POU6F2: variants seen among roughly 807,000 people sequenced by gnomAD.
The protein encoded by POU6F2 is POU class 6 homeobox 2.
Under a neutral mutation model 71.3 loss-of-function variants are expected in POU6F2, and 31 were observed. That is an observed-to-expected ratio of 0.43 (90% CI 0.33 to 0.59). The LOEUF is 0.59. Among genes scored for constraint, POU6F2 ranks in the 20% least tolerant of loss-of-function variants. POU6F2 has a pLI of 0.04. For synonymous variants in POU6F2, 347 were observed against 355.7 expected (o/e 0.98, Z 0.27); for missense variants, 783 against 856.8 (o/e 0.91, Z 1.07).
chr7:39,401,100 G>C (rs2115872996), intron 5 of POU6F2, among the ~76,000 whole-genome samples: 1 of 152,310 alleles, frequency 6.6e-6, no homozygotes, highest in African/African-American at 2.4e-5. Flanking sequence ...CTCCACCCCA[G>C]TGCACATTCT....
intron 2 of POU6F2, among the ~76,000 whole-genome samples, chr7:39,146,275 A>T (rs1349433694): frequency 1.3e-5 from 2 of 152,152 alleles, no homozygotes; most frequent in African/African-American, 4.8e-5. Context: ...TAATGGAACC[A>T]TGGATGCCAA....
At chr7:39,011,785 C>T (rs1244928505) in intron 1 of POU6F2, among the ~76,000 whole-genome samples, 6 of 148,302 alleles carry the variant, frequency 4.0e-5, no homozygotes, top group African/African-American at 1.5e-4. Context: ...ACTTATGAAG[C>T]TTAGTTTGGC....
intron 4 of POU6F2, among the ~76,000 whole-genome samples, chr7:39,282,356 A>G (rs538643110): frequency 6.6e-6 from 1 of 152,234 alleles, no homozygotes; most frequent in East Asian, 1.9e-4. Flanking sequence ...TTATCCAAAA[A>G]ACCCTTGCCT....
At chr7:39,155,061 G>T (rs998381480) in intron 2 of POU6F2, among the ~76,000 whole-genome samples, 1 of 152,138 alleles carries the variant, frequency 6.6e-6, no homozygotes, top group Non-Finnish European at 1.5e-5. Flanking sequence ...ACACCTGAAA[G>T]TGAAAGTTGA....
intron 2 of POU6F2, among the ~76,000 whole-genome samples, chr7:39,130,606 C>A (rs573253757): frequency 6.6e-6 from 1 of 152,218 alleles, no homozygotes; most frequent in South Asian, 2.1e-4. Context: ...AAAAGAAGTT[C>A]TGCAAATATA....
At chr7:39,073,356 A>G (rs995379701) in intron 1 of POU6F2, among the ~76,000 whole-genome samples, 6 of 146,572 alleles carry the variant, frequency 4.1e-5, no homozygotes, top group African/African-American at 1.5e-4. Context: ...CAGATAGCTG[A>G]CGGAATGGGG....
In POU6F2 at chr7:39,339,625, G is replaced by A. The variant is rs776559473; in HGVS notation, c.599-17G>A. The A allele has an allele frequency of 5.1e-6, 8 of 1,567,134 alleles. No individual in the cohort carries two copies. Among genetic ancestry groups the A allele is most frequent in the South Asian group, 1.2e-5 (1 of 84,010 alleles). On this transcript the variant is annotated splice_polypyrimidine_tract_variant and intron_variant, in intron 4 of 9. Transcript: ENST00000518318. ...TGTCATGTTATCTCACTCCACATTC[G>A]CTTTCTCTCCTTGTAGCTACCTCAT...
chr7:39,232,543 G>A (rs11760350), intron 4 of POU6F2, among the ~76,000 whole-genome samples: 24,527 of 152,142 alleles, frequency 0.16, 2,294 homozygotes, highest in African/African-American at 0.26. Flanking sequence ...AAGAATGTGT[G>A]TAGCTCCCTC....
intron 2 of POU6F2, among the ~76,000 whole-genome samples, chr7:39,137,012 C>CAAAAA (rs11344179): frequency 1.2e-5 from 1 of 82,230 alleles, no homozygotes; most frequent in Non-Finnish European, 2.3e-5. Context: ...GAGACCCTGT[C>CAAAAA]AAAAAAAAAA....
Position 39,015,837 on chromosome 7 carries a change from A to ATT in POU6F2, c.105+37779_105+37780insTT, listed in dbSNP as rs1436848427. Among the ~76,000 whole-genome samples the ATT allele has an allele frequency of 5.7e-4, 22 of 38,446 alleles. 1 individual carries two copies. The highest frequency in any genetic ancestry group is 3.0e-3 in the East Asian group (5 of 1,640). The allele number at this position is 38,446 out of a possible 152,430, so 25.2% of individuals were successfully genotyped here. ...AGGTATATATTATATATAGATATAT[A>ATT]ATATATTATATATAGATATATATAA... On this transcript the variant is annotated intron_variant, in intron 1 of 9. Coordinates refer to ENST00000518318, the MANE Select transcript of POU6F2 (RefSeq NM_001370959.1).
intron 2 of POU6F2, among the ~76,000 whole-genome samples, chr7:39,087,919 C>T (rs939916552): frequency 6.6e-6 from 1 of 152,034 alleles, no homozygotes; most frequent in Non-Finnish European, 1.5e-5. Context: ...GAGAAAAAAG[C>T]TTCAAAATTC....
intron 1 of POU6F2, among the ~76,000 whole-genome samples, chr7:39,025,478 G>C (rs1205201080): frequency 3.3e-5 from 5 of 152,134 alleles, no homozygotes; most frequent in African/African-American, 1.2e-4. Context: ...TGACAAACCT[G>C]AGAAAAACAG....
intron 2 of POU6F2, among the ~76,000 whole-genome samples, chr7:39,094,485 G>T (rs757963437): frequency 3.3e-5 from 5 of 151,852 alleles, no homozygotes; most frequent in Non-Finnish European, 5.9e-5. Flanking sequence ...TTCCTGTAAG[G>T]ATTATATGCG....
intron 2 of POU6F2, among the ~76,000 whole-genome samples, chr7:39,125,548 A>T (rs759902953): frequency 2.0e-5 from 3 of 152,090 alleles, no homozygotes; most frequent in African/African-American, 7.2e-5. Flanking sequence ...CATTTTTTTC[A>T]TATTTCTGAG....
intron 2 of POU6F2, among the ~76,000 whole-genome samples, chr7:39,115,368 A>T (rs550377555): frequency 7.2e-5 from 11 of 152,032 alleles, no homozygotes; most frequent in African/African-American, 2.2e-4. Flanking sequence ...GGTACCTTCT[A>T]TTTCCATTGC....
At chr7:39,188,510 G>A (rs144030387) in intron 2 of POU6F2, among the ~76,000 whole-genome samples, 10 of 151,922 alleles carry the variant, frequency 6.6e-5, no homozygotes, top group South Asian at 2.1e-4. Context: ...ACAGGGTTTC[G>A]CCATGTTGCC....
chr7:39,404,745 C>T (rs1158235973), intron 5 of POU6F2: 1 of 151,966 alleles, frequency 6.6e-6, no homozygotes, highest in Non-Finnish European at 1.5e-5. Context: ...GTGTCTGTAC[C>T]GGCAGTTCGG....
intron 7 of POU6F2, among the ~76,000 whole-genome samples, chr7:39,442,264 T>C (rs1383028970): frequency 6.6e-6 from 1 of 152,166 alleles, no homozygotes; most frequent in African/African-American, 2.4e-5. Flanking sequence ...TATGGGGTAG[T>C]GAGGAAGATG....
rs138237491 is a variant in POU6F2, at chr7:39,128,345, T to C, written c.277+42314T>C. Among the ~76,000 whole-genome samples, 457 of 152,350 alleles carry C rather than the reference T, an allele frequency of 3.0e-3. 1 individual carries two copies. The highest frequency in any genetic ancestry group is 0.01 in the African/African-American group (433 of 41,582). ...GAACTCTGCTAAAACAATGCTATTA[T>C]TAACCAAAAAATTAATGGTGAAATC... On this transcript the variant is annotated intron_variant, in intron 2 of 9. Transcript: ENST00000518318.
Sources: gnomAD v4.1 joint callset for allele counts (sites outside exome capture counted in the v4.1 genomes callset) on GRCh38, gnomAD v4.1.1 for gene constraint, MANE v1.5 for transcripts, NCBI Gene and HGNC (gene_info 2026-07-23, HGNC 2026-07-21) for gene names.